SYNPO2: variants seen among roughly 807,000 people sequenced by gnomAD.
SYNPO2 encodes synaptopodin 2, also known as synaptopodin-2.
A neutral mutation model predicts 85.0 loss-of-function variants in SYNPO2; 56 were observed. The ratio of observed to expected loss-of-function variants is 0.66; its 90% CI spans 0.53 to 0.82. SYNPO2 has a LOEUF of 0.82. Ranked by LOEUF, SYNPO2 falls within the 40% of genes least tolerant of loss-of-function variation. SYNPO2 has a pLI of 0.00. For missense variants in SYNPO2, 1,575 were observed against 1,534.2 expected (o/e 1.03, Z -0.44); for synonymous variants, 602 against 591.1 (o/e 1.02, Z -0.27).
intron 2 of SYNPO2, among the ~76,000 whole-genome samples, chr4:119,025,305 A>G (rs1327870016): frequency 1.3e-5 from 2 of 152,176 alleles, no homozygotes; most frequent in African/African-American, 2.4e-5. Context: ...GGTACCCTCA[A>G]ATTCAGTTTA....
rs373144800 is a variant in SYNPO2, at chr4:118,900,703, C to CTATATATATA, written c.105+11582_105+11591dup. On this transcript the variant is annotated intron_variant, in intron 1 of 4. Transcript: ENST00000307142. The stretch of plus-strand genomic sequence containing the variant: ...TCTCTCTCTCTCTCTCTCTCTCTCT[C>CTATATATATA]TATATATATATATATATATATATAT... Among the ~76,000 whole-genome samples, 221 of 43,792 alleles carry CTATATATATA rather than the reference C, an allele frequency of 5.0e-3. 4 individuals are homozygous for CTATATATATA. The highest frequency in any genetic ancestry group is 7.4e-3 in the Non-Finnish European group (162 of 21,882). The allele number at this position is 43,792 out of a possible 152,430, so 28.7% of individuals were successfully genotyped here.
intron 1 of SYNPO2, among the ~76,000 whole-genome samples, chr4:118,997,113 G>A (rs1403359129): frequency 6.7e-6 from 1 of 149,422 alleles, no homozygotes; most frequent in African/African-American, 2.5e-5. Flanking sequence ...AGTGGCGGGC[G>A]CCTGTAGTCC....
intron 4 of SYNPO2, among the ~76,000 whole-genome samples, chr4:119,041,373 C>T (rs1738711238): frequency 6.6e-6 from 1 of 152,154 alleles, no homozygotes; most frequent in African/African-American, 2.4e-5. Flanking sequence ...TTCACAAAAC[C>T]ATTTTCTAGA....
chr4:118,862,130 C>A (rs528850262), intron 1 of SYNPO2, among the ~76,000 whole-genome samples: 1 of 152,088 alleles, frequency 6.6e-6, no homozygotes, highest in South Asian at 2.1e-4. Context: ...ATTTCTTTTT[C>A]ATTTTGTTTG....
chr4:118,862,363 T>G (rs1437678599), intron 1 of SYNPO2, among the ~76,000 whole-genome samples: 2 of 152,160 alleles, frequency 1.3e-5, no homozygotes, highest in Non-Finnish European at 2.9e-5. Flanking sequence ...CAGTACTATG[T>G]TGAATAACAG....
chr4:119,021,853 G>A (rs1737736137), intron 1 of SYNPO2, among the ~76,000 whole-genome samples: 1 of 152,148 alleles, frequency 6.6e-6, no homozygotes, highest in East Asian at 1.9e-4. Context: ...TCTCTAGACT[G>A]AAGAACAGAG....
chr4:119,010,745 T>C (rs954897590), intron 1 of SYNPO2, among the ~76,000 whole-genome samples: 3 of 152,262 alleles, frequency 2.0e-5, no homozygotes, highest in African/African-American at 7.2e-5. Flanking sequence ...AGGGCATTAT[T>C]CATTATTTCA....
intron 1 of SYNPO2, among the ~76,000 whole-genome samples, chr4:118,894,675 G>T (rs1732492376): frequency 6.6e-6 from 1 of 152,030 alleles, no homozygotes; most frequent in Non-Finnish European, 1.5e-5. Flanking sequence ...AAAAACAATT[G>T]CCTTTGTTTA....
chr4:119,056,376 A>G (rs1739204256), intron 4 of SYNPO2, among the ~76,000 whole-genome samples: 1 of 151,858 alleles, frequency 6.6e-6, no homozygotes, highest in African/African-American at 2.4e-5. Context: ...GGCAACAGGG[A>G]GATCCTGTCT....
chr4:119,057,498 A>C lies in SYNPO2; in HGVS notation c.3350A>C (p.Lys1117Thr). The C allele has an allele frequency of 1.9e-6, 3 of 1,614,064 alleles. No homozygotes were observed. The highest frequency in any genetic ancestry group is 1.7e-6 in the Non-Finnish European group (2 of 1,180,010). The change falls in exon 5 of 5, where the codon AAA (lysine) becomes ACA (threonine). Residue 1117 changes from lysine to threonine, a missense_variant. By Grantham distance (78) the Lys-to-Thr change is moderately conservative. Coordinates refer to ENST00000307142, the MANE Select transcript of SYNPO2 (RefSeq NM_133477.3). ...VYQPTYSYSS[K>T]PTDGLEKANK... is the part of the protein sequence containing the mutation. ...CAGCCTACTTATAGTTACTCTAGTA[A>C]ACCAACCGATGGACTAGAGAAAGCA...
intron 1 of SYNPO2, among the ~76,000 whole-genome samples, chr4:118,870,077 G>A (rs1435190081): frequency 6.6e-6 from 1 of 152,190 alleles, no homozygotes; most frequent in Non-Finnish European, 1.5e-5. Flanking sequence ...CTACAGAGTT[G>A]GGAGGAGTAA....
chr4:118,917,940 T>G (rs1733407606), intron 1 of SYNPO2, among the ~76,000 whole-genome samples: 1 of 152,156 alleles, frequency 6.6e-6, no homozygotes, highest in African/African-American at 2.4e-5. Flanking sequence ...TATACTAAAT[T>G]TTTACATTCT....
At position 118,888,888 on chromosome 4, in the gene SYNPO2, T is replaced by G. The variant is rs554665134; in HGVS notation, c.-149T>G. On this transcript the variant is annotated 5_prime_UTR_variant, in exon 1 of 5. Transcript: ENST00000307142. ...CGCAGCAGGCGGCTGGGGCGGCGGCTGGGGCAGCGGCTGCAGCAGCGGCGG... is the reference window on the plus strand; with the variant it reads ...CGCAGCAGGCGGCTGGGGCGGCGGCGGGGGCAGCGGCTGCAGCAGCGGCGG... 4.9e-4 allele frequency: 384 copies of G among 787,862 alleles called. 1 individual carries two copies. Among genetic ancestry groups the G allele is most frequent in the Non-Finnish European group, 4.2e-4 (200 of 480,456 alleles). 48.8% of individuals were successfully genotyped at this position (787,862 alleles called of 1,614,324 possible).
chr4:118,877,547 C>T (rs1429735554), intron 1 of SYNPO2, among the ~76,000 whole-genome samples: 1 of 152,154 alleles, frequency 6.6e-6, no homozygotes, highest in African/African-American at 2.4e-5. Flanking sequence ...GGGCAGAGGA[C>T]GTGAACAAGC....
chr4:118,913,550 T>G (rs1733208652), intron 1 of SYNPO2, among the ~76,000 whole-genome samples: 3 of 144,894 alleles, frequency 2.1e-5, no homozygotes, highest in Non-Finnish European at 3.0e-5. Context: ...TTGAGCCTTC[T>G]TTCATTTATT....
intron 1 of SYNPO2, among the ~76,000 whole-genome samples, chr4:118,980,485 C>G (rs1413196772): frequency 6.6e-6 from 1 of 151,558 alleles, no homozygotes; most frequent in Non-Finnish European, 1.5e-5. Context: ...TCACCATGAG[C>G]CTTGTTACTT....
At chr4:118,906,894 A>C (rs1035663806) in intron 1 of SYNPO2, among the ~76,000 whole-genome samples, 3 of 152,094 alleles carry the variant, frequency 2.0e-5, no homozygotes, top group Non-Finnish European at 4.4e-5. Context: ...AGCTCACTAC[A>C]GCCTCCAACT....
intron 1 of SYNPO2, among the ~76,000 whole-genome samples, chr4:118,871,395 T>TATC (rs1256913199): frequency 6.6e-6 from 1 of 151,678 alleles, no homozygotes; most frequent in African/African-American, 2.4e-5. Flanking sequence ...ATCCTGCACA[T>TATC]ATCACATCTT....
At chr4:118,941,538 C>T (rs1560890882) in intron 1 of SYNPO2, among the ~76,000 whole-genome samples, 1 of 152,172 alleles carries the variant, frequency 6.6e-6, no homozygotes, top group Non-Finnish European at 1.5e-5. Context: ...TTGCCTATAC[C>T]AGGCCATTTA....
Sources: allele counts gnomAD v4.1 joint callset (sites outside exome capture counted in the v4.1 genomes callset), GRCh38; gene constraint gnomAD v4.1.1; transcripts MANE v1.5; gene names NCBI Gene and HGNC (gene_info 2026-07-23, HGNC 2026-07-21).